Variants in TTC38 observed in about 807,000 individuals in gnomAD.
TTC38 encodes tetratricopeptide repeat domain 38.
A neutral mutation model predicts 64.2 loss-of-function variants in TTC38; 64 were observed. The observed-to-expected ratio is 1.00, with a 90% CI of 0.81 to 1.23. TTC38 has a LOEUF of 1.23. Among genes scored for constraint, TTC38 ranks in the 50% most tolerant of loss-of-function variants. TTC38 has a pLI of 0.00. For synonymous variants in TTC38, 254 were observed against 249.3 expected (o/e 1.02, Z -0.18); for missense variants, 573 against 615.5 (o/e 0.93, Z 0.73).
intron 5 of TTC38, among the ~76,000 whole-genome samples, chr22:46,277,034 CATATAT>C (rs150190126): frequency 0.036 from 3,510 of 97,704 alleles, 123 homozygotes; most frequent in African/African-American, 0.13. Flanking sequence ...GTAAACAATA[CATATAT>C]ATACATACAC....
In TTC38 at chr22:46,276,173, G is replaced by T. The variant is rs1869731329; in HGVS notation, c.539+752G>T. ...AGATGGAGATTTATTTTAAGGAATT[G>T]GCTCATGTGAGTGTGAGGGCTGGCA... On this transcript the variant is annotated intron_variant, in intron 5 of 13. Coordinates refer to ENST00000381031, the MANE Select transcript of TTC38 (RefSeq NM_017931.4). The surrounding 1 kb of genome is among the most constrained non-coding windows in gnomAD (Gnocchi z 4.7). Among the ~76,000 whole-genome samples, 2 of 152,042 alleles carry T rather than the reference G, an allele frequency of 1.3e-5. No individual in the cohort carries two copies. The highest frequency in any genetic ancestry group is 2.4e-5 in the African/African-American group (1 of 41,440).
At chr22:46,269,462 A>T (rs1245606700) in intron 2 of TTC38, among the ~76,000 whole-genome samples, 2 of 152,236 alleles carry the variant, frequency 1.3e-5, no homozygotes, top group Non-Finnish European at 2.9e-5. Flanking sequence ...AACCTACTTG[A>T]CTTGAAGGTT....
Position 46,275,208 on chromosome 22 carries a change from ATG to A in TTC38, c.366-36_366-35del, listed in dbSNP as rs1569016185. The A allele has an allele frequency of 4.4e-6, 7 of 1,586,820 alleles. No homozygotes were observed. Among genetic ancestry groups the A allele is most frequent in the Middle Eastern group, 4.2e-4 (2 of 4,808 alleles). ...CTTACACTCCCTGTGTGGGTGGACT[ATG>A]TGTTCAGCGTTGGTGAGAAATCTTT... On this transcript the variant is annotated intron_variant, in intron 4 of 13. Coordinates refer to ENST00000381031, the MANE Select transcript of TTC38 (RefSeq NM_017931.4). The surrounding 1 kb of genome is among the most constrained non-coding windows in gnomAD (Gnocchi z 4.5).
In TTC38 at chr22:46,272,336, AT is replaced by A. The variant is rs766658480; in HGVS notation, c.114del (p.Tyr38Ter). 3.7e-6 allele frequency: 6 copies of A among 1,612,784 alleles called. No individual in the cohort carries two copies. In the South Asian group the frequency reaches 6.6e-5, roughly 18 times the overall value. On this transcript the variant is annotated frameshift_variant and splice_region_variant, in exon 3 of 14. Transcript: ENST00000381031. LOFTEE classifies it high-confidence loss of function. This position sits in a 1 kb window ranked among gnomAD's most constrained non-coding sequence, Gnocchi z 6.4. ...CTTGTTTTGCTTTTCCCATTTCAGTATGTAAAATGGACCAATGACAAGAGTC... is the reference window on the plus strand; with the variant it reads ...CTTGTTTTGCTTTTCCCATTTCAGTAGTAAAATGGACCAATGACAAGAGTC... ...CKLFDATLTQ[Y>X]VKWTNDKSLG...
rs1005587208 is a variant in TTC38, at chr22:46,270,711, T to C, written c.112-1624T>C. 1.3e-5 allele frequency among the ~76,000 whole-genome samples: 2 copies of C among 152,138 alleles called. No homozygotes were observed. Among genetic ancestry groups the C allele is most frequent in the African/African-American group, 4.8e-5 (2 of 41,428 alleles). On this transcript the variant is annotated intron_variant, in intron 2 of 13. Transcript: ENST00000381031. The surrounding 1 kb of genome is among the most constrained non-coding windows in gnomAD (Gnocchi z 4.7). ...TTAGCCGGGCATGGTGGCATGGGCCTGTAATCCCAGCTACTCGGGAGGCTG... is the reference window on the plus strand; with the variant it reads ...TTAGCCGGGCATGGTGGCATGGGCCCGTAATCCCAGCTACTCGGGAGGCTG...
intron 6 of TTC38, chr22:46,280,378 C>G (rs538336203): frequency 1.1e-4 from 39 of 345,872 alleles, no homozygotes; most frequent in Non-Finnish European, 1.8e-4. Flanking sequence ...GGCCTTGTAG[C>G]CTGGGAATGC....
At chr22:46,280,930 A>G (rs1324788220) in intron 6 of TTC38, among the ~76,000 whole-genome samples, 1 of 152,232 alleles carries the variant, frequency 6.6e-6, no homozygotes, top group African/African-American at 2.4e-5. Flanking sequence ...CTTAGCAAAC[A>G]TGAGCTGAAC....
chr22:46,277,061 A>T (rs907582884), intron 5 of TTC38, among the ~76,000 whole-genome samples: 2 of 148,662 alleles, frequency 1.3e-5, no homozygotes, highest in Non-Finnish European at 3.0e-5. Flanking sequence ...ACACACACAC[A>T]CACACACACA....
chr22:46,281,528 C>G lies in TTC38; in HGVS notation c.616-71C>G. On this transcript the variant is annotated intron_variant, in intron 6 of 13. Coordinates refer to ENST00000381031, the MANE Select transcript of TTC38 (RefSeq NM_017931.4). This position sits in a 1 kb window ranked among gnomAD's most constrained non-coding sequence, Gnocchi z 5.2. ...CAGGCCCCTCTTGCCCCTTAGAGAC[C>G]TGCCGTCGCCTGCCCCGGCAGCCTG... 1.3e-6 allele frequency: 2 copies of G among 1,591,564 alleles called. No individual in the cohort carries two copies. The highest frequency in any genetic ancestry group is 1.7e-6 in the Non-Finnish European group (2 of 1,166,392).
In TTC38 at chr22:46,275,430, C is replaced by T. The variant is rs1373295971; in HGVS notation, c.539+9C>T. 1 of 1,604,782 alleles carries T rather than the reference C, an allele frequency of 6.2e-7. No individual in the cohort carries two copies. The highest frequency in any genetic ancestry group is 1.7e-5 in the Admixed American group (1 of 57,916). ...GACATCCCCCTAAGCAGGTATGTGC[C>T]AGCTGGAAATCACATTATTTCTGTT... On this transcript the variant is annotated intron_variant, in intron 5 of 13. Coordinates refer to ENST00000381031, the MANE Select transcript of TTC38 (RefSeq NM_017931.4). The surrounding 1 kb of genome is among the most constrained non-coding windows in gnomAD (Gnocchi z 4.5).
chr22:46,270,088 G>A lies in TTC38; in HGVS notation c.111+1497G>A, dbSNP rs551680590. On this transcript the variant is annotated intron_variant, in intron 2 of 13. Coordinates refer to ENST00000381031, the MANE Select transcript of TTC38 (RefSeq NM_017931.4). The surrounding 1 kb of genome is among the most constrained non-coding windows in gnomAD (Gnocchi z 4.7). ...ATTACAGGCGTGAGCCACTGTGCCC[G>A]GCCCCTAGTACTCAGTTTGTTACAC... Among the ~76,000 whole-genome samples, 4 of 152,180 alleles carry A rather than the reference G, an allele frequency of 2.6e-5. No homozygotes were observed. Among genetic ancestry groups the A allele is most frequent in the Admixed American group, 6.5e-5 (1 of 15,274 alleles).
rs974332179 is a variant in TTC38 at position 46,274,669 on chromosome 22, C to T, written c.366-579C>T. 1.3e-5 allele frequency among the ~76,000 whole-genome samples: 2 copies of T among 152,092 alleles called. No individual in the cohort carries two copies. Among genetic ancestry groups the T allele is most frequent in the African/African-American group, 4.8e-5 (2 of 41,416 alleles). ...AAGTCAGCCCAGGTGTGGGTTCCAC[C>T]TCAGAGACTTCCTGTGGCTGTCTCA... On this transcript the variant is annotated intron_variant, in intron 4 of 13. Coordinates refer to ENST00000381031, the MANE Select transcript of TTC38 (RefSeq NM_017931.4). The surrounding 1 kb of genome is among the most constrained non-coding windows in gnomAD (Gnocchi z 4.8).
chr22:46,279,002 C>T (rs1465448690), intron 6 of TTC38, among the ~76,000 whole-genome samples: 1 of 152,228 alleles, frequency 6.6e-6, no homozygotes, highest in Non-Finnish European at 1.5e-5. Flanking sequence ...CTCTGCCTGG[C>T]TCCGGAGCCC....
In TTC38 at chr22:46,273,858, G is replaced by T. The variant is rs1199899583; in HGVS notation, c.194-40G>T. ...GTCTGGGCTGGGATGGGCTGAGCTG[G>T]ACCATCTGAACCACCAGCCGTTCTC... On this transcript the variant is annotated intron_variant, in intron 3 of 13. Transcript: ENST00000381031. The surrounding 1 kb of genome is among the most constrained non-coding windows in gnomAD (Gnocchi z 5.1). The T allele has an allele frequency of 1.9e-6, 3 of 1,609,468 alleles. No individual in the cohort carries two copies. Among genetic ancestry groups the T allele is most frequent in the South Asian group, 1.1e-5 (1 of 90,830 alleles).
intron 6 of TTC38, among the ~76,000 whole-genome samples, chr22:46,278,912 A>G (rs2077513612): frequency 6.6e-6 from 1 of 152,178 alleles, no homozygotes; most frequent in Admixed American, 6.5e-5. Flanking sequence ...TCTACAGATG[A>G]GGTTGATGGG....
rs2077540677 is a variant in TTC38 at position 46,282,268 on chromosome 22, C to T, written c.735+550C>T. 1.5e-5 allele frequency: 4 copies of T among 265,276 alleles called. No individual in the cohort carries two copies. Among genetic ancestry groups the T allele is most frequent in the South Asian group, 1.0e-4 (3 of 28,780 alleles). 16.4% of individuals were successfully genotyped at this position (265,276 alleles called of 1,614,324 possible). A position where few individuals can be genotyped will look rare whatever the true frequency, so the allele number is the denominator to read the frequency against. ...AGAGGAGAGCTGCTTACTTTGGTGT[C>T]CTAGAGCCCAGGTACAAGGCGGACA... On this transcript the variant is annotated intron_variant, in intron 7 of 13. Transcript: ENST00000381031. The surrounding 1 kb of genome is among the most constrained non-coding windows in gnomAD (Gnocchi z 4.4).
Position 46,282,784 on chromosome 22 carries a change from G to A in TTC38, c.735+1066G>A, listed in dbSNP as rs1382239725. ...ATACCCTAGCAGGGGCCAGCTCTGA[G>A]CCCAGCACAGGTCCTACTTTAACAC... On this transcript the variant is annotated intron_variant, in intron 7 of 13. Transcript: ENST00000381031. This position sits in a 1 kb window ranked among gnomAD's most constrained non-coding sequence, Gnocchi z 4.4. Among the ~76,000 whole-genome samples the A allele has an allele frequency of 6.6e-6, 1 of 152,142 alleles. No homozygotes were observed. The highest frequency in any genetic ancestry group is 1.5e-5 in the Non-Finnish European group (1 of 68,022).
chr22:46,272,373 C>G lies in TTC38; in HGVS notation c.150C>G (p.Ile50Met). 6.8e-6 allele frequency: 11 copies of G among 1,613,424 alleles called. No homozygotes were observed. In the South Asian group the frequency reaches 9.9e-5, roughly 15 times the overall value. ...CCAATGACAAGAGTCTCGGTGGCAT[C>G]GAGGGCTGCCTGTCAAAGCTCAAAG... ...KWTNDKSLGG[I>M]EGCLSKLKAA... Residue 50 changes from isoleucine to methionine, a missense_variant, in exon 3 of 14, where the codon ATC becomes ATG. Physicochemically the swap from Ile to Met is conservative, Grantham distance 10. Transcript: ENST00000381031. The surrounding 1 kb of genome is among the most constrained non-coding windows in gnomAD (Gnocchi z 6.4).
At chr22:46,283,104 A>AAT (rs1473886007) in intron 7 of TTC38, among the ~76,000 whole-genome samples, 1 of 147,106 alleles carries the variant, frequency 6.8e-6, no homozygotes, top group African/African-American at 2.5e-5. Flanking sequence ...AATTAAAAAA[A>AAT]TTTTTTTTTT....
Sources: gnomAD v4.1 joint callset for allele counts (sites outside exome capture counted in the v4.1 genomes callset) on GRCh38, gnomAD v4.1.1 for gene constraint, Gnocchi (gnomAD v3.1) non-coding constraint, MANE v1.5 for transcripts, NCBI Gene and HGNC (gene_info 2026-07-23, HGNC 2026-07-21) for gene names.